Variants in GRID1 observed in about 807,000 individuals in gnomAD.
GRID1 encodes glutamate receptor ionotropic, delta-1.
A neutral mutation model predicts 98.0 loss-of-function variants in GRID1; 28 were observed. The ratio of observed to expected loss-of-function variants is 0.29; its 90% CI spans 0.21 to 0.39. GRID1 has a LOEUF of 0.39. Among genes scored for constraint, GRID1 ranks in the 10% least tolerant of loss-of-function variants. The pLI is 1.00. For missense variants in GRID1, 1,111 were observed against 1,340.5 expected (o/e 0.83, Z 2.67); for synonymous variants, 553 against 538.5 (o/e 1.03, Z -0.37).
chr10:86,176,621 A>G (rs1419563760), intron 3 of GRID1, among the ~76,000 whole-genome samples: 1 of 152,266 alleles, frequency 6.6e-6, no homozygotes, highest in Non-Finnish European at 1.5e-5. Context: ...TGAAGCTGCA[A>G]AGCTTGAACT....
At chr10:86,194,644 G>A (rs1215716579) in intron 3 of GRID1, among the ~76,000 whole-genome samples, 1 of 152,082 alleles carries the variant, frequency 6.6e-6, no homozygotes, top group Non-Finnish European at 1.5e-5. Context: ...TTATGTATAT[G>A]ATACAAATAA....
At chr10:85,773,976 T>G (rs1305183496) in intron 8 of GRID1, among the ~76,000 whole-genome samples, 1 of 152,130 alleles carries the variant, frequency 6.6e-6, no homozygotes, top group Non-Finnish European at 1.5e-5. Flanking sequence ...AAAGACTACT[T>G]CAAAGTTCAT....
At chr10:85,667,951 A>G (rs1421666435) in intron 12 of GRID1, among the ~76,000 whole-genome samples, 2 of 152,098 alleles carry the variant, frequency 1.3e-5, no homozygotes, top group Non-Finnish European at 2.9e-5. Flanking sequence ...ACCATTCCCC[A>G]TCCCTAAGCC....
intron 4 of GRID1, among the ~76,000 whole-genome samples, chr10:86,027,174 T>C (rs932814902): frequency 1.9e-4 from 29 of 152,242 alleles, no homozygotes; most frequent in Non-Finnish European, 2.2e-4. Flanking sequence ...CAGCATTTAA[T>C]ACATCAACTG....
At chr10:86,006,825 G>A (rs1278190057) in intron 4 of GRID1, among the ~76,000 whole-genome samples, 1 of 151,918 alleles carries the variant, frequency 6.6e-6, no homozygotes, top group East Asian at 1.9e-4. Flanking sequence ...AACAATTCGG[G>A]TGTCACTGAA....
At chr10:86,310,778 T>C (rs1847822013) in intron 2 of GRID1, among the ~76,000 whole-genome samples, 1 of 152,152 alleles carries the variant, frequency 6.6e-6, no homozygotes, top group Admixed American at 6.5e-5. Context: ...GAGACTGAAA[T>C]GCCCCCACAT....
At chr10:85,892,691 A>G (rs1014260737) in intron 5 of GRID1, among the ~76,000 whole-genome samples, 1 of 152,142 alleles carries the variant, frequency 6.6e-6, no homozygotes, top group Non-Finnish European at 1.5e-5. Flanking sequence ...CTAAAAAAAT[A>G]GAATGTGTTC....
intron 8 of GRID1, among the ~76,000 whole-genome samples, chr10:85,769,777 C>T (rs917772258): frequency 1.1e-4 from 16 of 152,178 alleles, no homozygotes; most frequent in African/African-American, 3.4e-4. Flanking sequence ...GGGGGAGGGG[C>T]GCCTGCCATT....
chr10:85,944,213 C>T (rs1337349948), intron 4 of GRID1, among the ~76,000 whole-genome samples: 1 of 152,186 alleles, frequency 6.6e-6, no homozygotes, highest in Non-Finnish European at 1.5e-5. Context: ...TGGTGGCCCA[C>T]AGAATTGTGA....
At chr10:85,820,759 C>G (rs1842762955) in intron 8 of GRID1, among the ~76,000 whole-genome samples, 2 of 152,076 alleles carry the variant, frequency 1.3e-5, no homozygotes, top group Non-Finnish European at 2.9e-5. Flanking sequence ...TTAAACTTAT[C>G]TATACTACAC....
In GRID1 at chr10:86,366,381, C is replaced by T. The variant is rs1376840621; in HGVS notation, c.12G>A (p.Leu4=). The change falls in exon 1 of 16, where the codon CTG becomes CTA. Residue 4 remains leucine, a synonymous_variant. Coordinates refer to ENST00000327946, the MANE Select transcript of GRID1 (RefSeq NM_017551.3). The surrounding 1 kb of genome is among the most constrained non-coding windows in gnomAD (Gnocchi z 4.1). MEA[L]TLWLLPWICQ... ...ATATCCAGGGGAGAAGCCACAGCGT[C>T]AGCGCTTCCATGTCCCCCGGGCGCG... 1 of 1,509,490 alleles carries T rather than the reference C, an allele frequency of 6.6e-7. No homozygotes were observed. The highest frequency in any genetic ancestry group is 2.0e-5 in the Admixed American group (1 of 48,950). 93.5% of individuals were successfully genotyped at this position (1,509,490 alleles called of 1,614,324 possible).
chr10:86,128,848 G>A (rs553927964), intron 4 of GRID1, among the ~76,000 whole-genome samples: 208 of 152,312 alleles, frequency 1.4e-3, no homozygotes, highest in African/African-American at 4.8e-3. Flanking sequence ...CACTGGGCAT[G>A]TTCTGGGTAC....
At chr10:85,890,617 CTCTG>C (rs1382474592) in intron 5 of GRID1, among the ~76,000 whole-genome samples, 1 of 152,126 alleles carries the variant, frequency 6.6e-6, no homozygotes, top group Non-Finnish European at 1.5e-5. Context: ...TAATCCATTG[CTCTG>C]TCTATGCTGG....
In GRID1 at chr10:85,869,034, C is replaced by T. The variant is rs1205449138; in HGVS notation, c.927G>A (p.Gln309=). 6.2e-7 allele frequency: 1 copy of T among 1,613,932 alleles called. No homozygotes were observed. ...HRISSLLCDP[Q]EGYLQMLQIS... ...CCTGCAGCATCTGGAGGTAGCCTTC[C>T]TGGGGGTCGCAGAGCAGGGAGGAGA... is the stretch of plus-strand genomic sequence containing the variant. Residue 309 remains glutamine, a synonymous_variant, in exon 6 of 16, where the codon CAG becomes CAA. Transcript: ENST00000327946.
chr10:86,064,242 T>G (rs1843688806), intron 4 of GRID1, among the ~76,000 whole-genome samples: 1 of 152,234 alleles, frequency 6.6e-6, no homozygotes, highest in Non-Finnish European at 1.5e-5. Flanking sequence ...GAACAGAGTT[T>G]GAGAAAGTTC....
chr10:85,614,913 A>T (rs541584999), intron 14 of GRID1, among the ~76,000 whole-genome samples: 20 of 152,300 alleles, frequency 1.3e-4, no homozygotes, highest in Admixed American at 1.3e-3. Context: ...CAAACACCCA[A>T]GCTTTCATTG....
rs570192804 is a variant in GRID1, at chr10:85,953,803, G to A, written c.727-37564C>T. Among the ~76,000 whole-genome samples, 33 of 152,242 alleles carry A rather than the reference G, an allele frequency of 2.2e-4. 1 individual carries two copies. Among genetic ancestry groups the A allele is most frequent in the African/African-American group, 6.7e-4 (28 of 41,548 alleles). On this transcript the variant is annotated intron_variant, in intron 4 of 15. Transcript: ENST00000327946. The stretch of plus-strand genomic sequence containing the variant: ...ACACTTTCACAGAAACCCTCACACA[G>A]AAATATCACACTGTCTGGTTTTAAT...
intron 4 of GRID1, among the ~76,000 whole-genome samples, chr10:86,126,448 C>A (rs962212268): frequency 6.6e-6 from 1 of 151,236 alleles, no homozygotes; most frequent in Admixed American, 6.6e-5. Context: ...GAGTGAGACT[C>A]CGTCTCAAAA....
At chr10:86,042,937 T>C (rs886918892) in intron 4 of GRID1, among the ~76,000 whole-genome samples, 3 of 151,880 alleles carry the variant, frequency 2.0e-5, no homozygotes, top group African/African-American at 7.3e-5. Context: ...AAGTAAAAAT[T>C]AGCTGGGCAT....
Sources: allele counts gnomAD v4.1 joint callset (sites outside exome capture counted in the v4.1 genomes callset), GRCh38; gene constraint gnomAD v4.1.1; non-coding constraint Gnocchi (gnomAD v3.1); transcripts MANE v1.5; gene names NCBI Gene and HGNC (gene_info 2026-07-23, HGNC 2026-07-21).